The following ARMC6 variants were observed in gnomAD, a reference collection of about 807,000 sequenced individuals.
ARMC6 encodes armadillo repeat containing 6.
Under a neutral mutation model 49.2 loss-of-function variants are expected in ARMC6, and 43 were observed. That is an observed-to-expected ratio of 0.87 (90% CI 0.69 to 1.13). ARMC6 has a LOEUF of 1.13. Ranked by LOEUF, ARMC6 falls within the 50% of genes most tolerant of loss-of-function variation. The probability of loss-of-function intolerance (pLI) is 0.00; values close to 1 mark genes in which losing one functional copy is unlikely to be tolerated. For missense variants in ARMC6, 627 were observed against 682.0 expected (o/e 0.92, Z 0.90); for synonymous variants, 262 against 289.6 (o/e 0.90, Z 0.97).
At chr19:19,052,646 G>T (rs1480853755) in intron 5 of ARMC6, among the ~76,000 whole-genome samples, 1 of 152,200 alleles carries the variant, frequency 6.6e-6, no homozygotes, top group Admixed American at 6.5e-5. Context: ...TGGTGAGCCA[G>T]CCCTGGGAGG....
Position 19,054,234 on chromosome 19 carries a change from G to C in ARMC6, c.936G>C (p.Glu312Asp). The C allele has an allele frequency of 2.5e-6, 4 of 1,612,132 alleles. No individual in the cohort carries two copies. The highest frequency in any genetic ancestry group is 3.4e-6 in the Non-Finnish European group (4 of 1,179,200). ...RLAIRNEFCQEVVDLGGLSIL... is the reference protein window; with the variant it reads ...RLAIRNEFCQDVVDLGGLSIL... Reference sequence around the variant, plus strand: ...CCATTCGCAACGAGTTCTGCCAGGAGGTCGTCGACCTCGGGGGCCTGAGCA... The same window carrying C: ...CCATTCGCAACGAGTTCTGCCAGGACGTCGTCGACCTCGGGGGCCTGAGCA... Residue 312 changes from glutamate to aspartate, a missense_variant, in exon 6 of 9, where the codon GAG becomes GAC. By Grantham distance (45) the Glu-to-Asp change is conservative (BLOSUM62 2). Coordinates refer to ENST00000535612, the MANE Select transcript of ARMC6 (RefSeq NM_001199196.2).
chr19:19,035,687 G>T (rs1286372417), intron 2 of ARMC6, among the ~76,000 whole-genome samples: 2 of 152,170 alleles, frequency 1.3e-5, no homozygotes, highest in Non-Finnish European at 2.9e-5. Context: ...TGAGTGGCCA[G>T]GAAAGGCAGC....
At chr19:19,044,181 C>A in intron 4 of ARMC6, 107 bp downstream of exon 4, 1 of 1,160,618 alleles carries the variant, frequency 8.6e-7, no homozygotes, top group Non-Finnish European at 1.3e-6. Context: ...TCATGCCCTC[C>A]CCAGCATGCA....
At chr19:19,052,315 T>C (rs2059505070) in intron 5 of ARMC6, 120 bp downstream of exon 5, 2 of 956,334 alleles carry the variant, frequency 2.1e-6, no homozygotes, top group East Asian at 2.6e-5. Flanking sequence ...CACTCGCCCC[T>C]CGGCTTAGAC....
chr19:19,052,256 G>A (rs2059504274), intron 5 of ARMC6, 61 bp downstream of exon 5: 1 of 1,458,108 alleles, frequency 6.9e-7, no homozygotes, highest in Non-Finnish European at 9.2e-7. Context: ...TGTGACCAGA[G>A]TGAGGGTCAG....
chr19:19,054,622 T>C (rs751136926), intron 6 of ARMC6, among the ~76,000 whole-genome samples: 2 of 152,082 alleles, frequency 1.3e-5, no homozygotes, highest in Admixed American at 6.6e-5. Flanking sequence ...AGCTACAGAA[T>C]AGAGCAGTGT....
At chr19:19,043,468 C>T (rs572135602) in intron 3 of ARMC6, among the ~76,000 whole-genome samples, 4 of 152,294 alleles carry the variant, frequency 2.6e-5, no homozygotes, top group African/African-American at 9.6e-5. Flanking sequence ...AAGTTCACTT[C>T]CCCATTGAAC....
In ARMC6 at chr19:19,055,430, G is replaced by A. The variant is rs1480955834; in HGVS notation, c.1155+34G>A. 9.6e-6 allele frequency: 15 copies of A among 1,557,304 alleles called. No individual in the cohort carries two copies. Among genetic ancestry groups the A allele is most frequent in the Admixed American group, 5.9e-5 (3 of 50,662 alleles). On this transcript the variant is annotated intron_variant, in intron 7 of 8. Coordinates refer to ENST00000535612, the MANE Select transcript of ARMC6 (RefSeq NM_001199196.2). The surrounding 1 kb of genome is among the most constrained non-coding windows in gnomAD (Gnocchi z 5.7). ...CTCGGGGGGCACACACAGTAGCAGG[G>A]TGGTGGCTGGAGTCCCAGTTCAGTT...
chr19:19,057,005 C>T (rs1157170978), intron 8 of ARMC6, among the ~76,000 whole-genome samples: 3 of 152,264 alleles, frequency 2.0e-5, no homozygotes, highest in East Asian at 1.9e-4. Context: ...AGCAGGTGCA[C>T]AGGGCACAAA....
intron 2 of ARMC6, among the ~76,000 whole-genome samples, chr19:19,037,243 G>T (rs2059377731): frequency 6.6e-6 from 1 of 152,232 alleles, no homozygotes; most frequent in Admixed American, 6.5e-5. Flanking sequence ...CTGCAGGCTG[G>T]CTGCGAGCCA....
intron 5 of ARMC6, 68 bp from the exon 6 acceptor site, chr19:19,054,084 C>G (rs925739210): frequency 4.9e-6 from 7 of 1,435,938 alleles, no homozygotes; most frequent in Middle Eastern, 2.6e-4. Context: ...AGCAGGATCT[C>G]CACCAAAACA....
At position 19,051,766 on chromosome 19, in the gene ARMC6, A is replaced by G. The variant is rs778807690; in HGVS notation, c.424A>G (p.Thr142Ala). The change falls in exon 5 of 9, where the codon ACT becomes GCT. Residue 142 changes from threonine to alanine, a missense_variant. Physicochemically the swap from Thr to Ala is moderately conservative, Grantham distance 58. Coordinates refer to ENST00000535612, the MANE Select transcript of ARMC6 (RefSeq NM_001199196.2). Reference sequence around the variant, plus strand: ...GAAGGGGGCCTACCCCATCATCTTCACTGCCTGGAAGCTGGCCACTGCAGG... The same window carrying G: ...GAAGGGGGCCTACCCCATCATCTTCGCTGCCTGGAAGCTGGCCACTGCAGG... ...AQKGAYPIIF[T>A]AWKLATAGDQ... 4.3e-6 allele frequency: 7 copies of G among 1,613,910 alleles called. No individual in the cohort carries two copies. The East Asian group carries it at 6.7e-5, about 15-fold the overall frequency.
intron 2 of ARMC6, chr19:19,037,712 A>G (rs1439120198): frequency 8.8e-7 from 1 of 1,135,042 alleles, no homozygotes; most frequent in South Asian, 1.7e-5. Context: ...AGCAAGGTGG[A>G]TATATTGAAA....
At chr19:19,053,560 C>T (rs960506040) in intron 5 of ARMC6, among the ~76,000 whole-genome samples, 7 of 152,162 alleles carry the variant, frequency 4.6e-5, no homozygotes, top group African/African-American at 1.7e-4. Context: ...AGAATACCTC[C>T]ACGGCAACAC....
rs1313156390 is a variant in ARMC6, at chr19:19,057,519, C to T, written c.1397C>T (p.Ser466Phe). Residue 466 changes from serine to phenylalanine, a missense_variant, in exon 9 of 9, where the codon TCT becomes TTT. Transcript: ENST00000535612. ...GAGGCACTCATCATGCAGGCCCGAT[C>T]TGCCCACCGTGACTGTGAGGACGTG... ...GAEALIMQARSAHRDCEDVAK... is the reference protein window; with the variant it reads ...GAEALIMQARFAHRDCEDVAK... 3 of 1,614,096 alleles carry T rather than the reference C, an allele frequency of 1.9e-6. No individual in the cohort carries two copies. Among genetic ancestry groups the T allele is most frequent in the Non-Finnish European group, 1.7e-6 (2 of 1,180,030 alleles).
chr19:19,037,319 T>A (rs1021755171), intron 2 of ARMC6, among the ~76,000 whole-genome samples: 5 of 151,768 alleles, frequency 3.3e-5, no homozygotes, highest in African/African-American at 1.2e-4. Flanking sequence ...ATGGAATGTG[T>A]ATATCCCATG....
chr19:19,055,436 G>A lies in ARMC6; in HGVS notation c.1155+40G>A. On this transcript the variant is annotated intron_variant, in intron 7 of 8. Coordinates refer to ENST00000535612, the MANE Select transcript of ARMC6 (RefSeq NM_001199196.2). This position sits in a 1 kb window ranked among gnomAD's most constrained non-coding sequence, Gnocchi z 5.7. ...GGGCACACACAGTAGCAGGGTGGTGGCTGGAGTCCCAGTTCAGTTTCTGTA... is the reference window on the plus strand; with the variant it reads ...GGGCACACACAGTAGCAGGGTGGTGACTGGAGTCCCAGTTCAGTTTCTGTA... 2 of 1,551,518 alleles carry A rather than the reference G, an allele frequency of 1.3e-6. No individual in the cohort carries two copies. The highest frequency in any genetic ancestry group is 2.4e-5 in the South Asian group (2 of 82,442).
At chr19:19,054,131 C>T (rs772967762) in intron 5 of ARMC6, 21 bp from the exon 6 acceptor site, 13 of 1,507,384 alleles carry the variant, frequency 8.6e-6, no homozygotes, top group East Asian at 2.5e-5. Flanking sequence ...CCCCCACCAC[C>T]GTCTCCCTTT....
chr19:19,047,809 G>A (rs764258184), intron 4 of ARMC6, among the ~76,000 whole-genome samples: 11 of 152,172 alleles, frequency 7.2e-5, no homozygotes, highest in Non-Finnish European at 1.2e-4. Context: ...GGTTTTATAC[G>A]TTTTAGGGAG....
Sources: allele counts gnomAD v4.1 joint callset (sites outside exome capture counted in the v4.1 genomes callset), GRCh38; gene constraint gnomAD v4.1.1; non-coding constraint Gnocchi (gnomAD v3.1); transcripts MANE v1.5; gene names NCBI Gene and HGNC (gene_info 2026-07-23, HGNC 2026-07-21).